The following CSNK2A2IP variants were observed in gnomAD, a reference collection of about 807,000 sequenced individuals.
The protein encoded by CSNK2A2IP is casein kinase II subunit alpha'-interacting protein.
At chr3:88,388,347 G>A in the CSNK2A2IP span, among the ~76,000 whole-genome samples, 2 of 152,050 alleles carry the variant, frequency 1.3e-5, no homozygotes, top group African/African-American at 2.4e-5. Context: ...AGACTATATT[G>A]AGCAAAGTAC....
the CSNK2A2IP span, among the ~76,000 whole-genome samples, chr3:88,389,714 G>A: frequency 6.6e-6 from 1 of 152,110 alleles, no homozygotes; most frequent in African/African-American, 2.4e-5. Context: ...AGATGGTAAG[G>A]AGAGGTTGGA....
chr3:88,406,534 C>A, the CSNK2A2IP span, among the ~76,000 whole-genome samples: 3 of 152,256 alleles, frequency 2.0e-5, no homozygotes, highest in South Asian at 6.2e-4. Context: ...ACTCAACATT[C>A]AATGATCAGA....
chr3:88,392,825 C>A, the CSNK2A2IP span, among the ~76,000 whole-genome samples: 5,729 of 152,204 alleles, frequency 0.038, 271 homozygotes, highest in African/African-American at 0.11. Flanking sequence ...GGGTTGAGGA[C>A]AGATGCTTTT....
chr3:88,358,555 G>A, the CSNK2A2IP span, among the ~76,000 whole-genome samples: 4 of 151,904 alleles, frequency 2.6e-5, no homozygotes, highest in African/African-American at 9.7e-5. Flanking sequence ...AAAGGGTATT[G>A]AATTATATTG....
At chr3:88,349,806 G>T in the CSNK2A2IP span, among the ~76,000 whole-genome samples, 9 of 151,902 alleles carry the variant, frequency 5.9e-5, no homozygotes, top group African/African-American at 1.9e-4. Flanking sequence ...ATTTTTTTGT[G>T]TGTGTGTGTT....
At chr3:88,369,508 T>G in the CSNK2A2IP span, among the ~76,000 whole-genome samples, 1 of 152,080 alleles carries the variant, frequency 6.6e-6, no homozygotes, top group East Asian at 1.9e-4. Flanking sequence ...CATTGTGGCT[T>G]GTTATTGCAA....
At chr3:88,372,761 A>G in the CSNK2A2IP span, among the ~76,000 whole-genome samples, 1 of 151,478 alleles carries the variant, frequency 6.6e-6, no homozygotes, top group Non-Finnish European at 1.5e-5. Context: ...TGCATTTTAA[A>G]TATAAGTATG....
chr3:88,420,793 A>G, the CSNK2A2IP span, among the ~76,000 whole-genome samples: 1 of 152,126 alleles, frequency 6.6e-6, no homozygotes, highest in Non-Finnish European at 1.5e-5. Context: ...GATTAAGAAG[A>G]ATGCAATATG....
the CSNK2A2IP span, among the ~76,000 whole-genome samples, chr3:88,438,872 G>A: frequency 1.3e-4 from 20 of 152,182 alleles, no homozygotes; most frequent in South Asian, 1.5e-3. Flanking sequence ...GATGGGTGGG[G>A]AAAGATACCA....
chr3:88,341,346 A>G, the CSNK2A2IP span, among the ~76,000 whole-genome samples: 1 of 151,836 alleles, frequency 6.6e-6, no homozygotes, highest in Non-Finnish European at 1.5e-5. Context: ...AATGATTATA[A>G]ACAAGAAGTG....
the CSNK2A2IP span, among the ~76,000 whole-genome samples, chr3:88,462,503 G>A: frequency 0.018 from 2,706 of 152,206 alleles, 29 homozygotes; most frequent in Non-Finnish European, 0.028. Context: ...CAGGAAAGAA[G>A]GCAAAGAGAG....
the CSNK2A2IP span, among the ~76,000 whole-genome samples, chr3:88,420,189 C>T: frequency 6.6e-6 from 1 of 152,122 alleles, no homozygotes; most frequent in Admixed American, 6.5e-5. Flanking sequence ...AAATCTTATA[C>T]TTGGCAGGCT....
chr3:88,362,456 C>G, the CSNK2A2IP span, among the ~76,000 whole-genome samples: 6 of 152,120 alleles, frequency 3.9e-5, no homozygotes, highest in Non-Finnish European at 8.8e-5. Context: ...CACTCTTCCC[C>G]AAAGAAAAGG....
chr3:88,384,908 T>C, the CSNK2A2IP span, among the ~76,000 whole-genome samples: 1 of 152,130 alleles, frequency 6.6e-6, no homozygotes, highest in Non-Finnish European at 1.5e-5. Flanking sequence ...TGTCAATTTC[T>C]GAGATGACAA....
the CSNK2A2IP span, among the ~76,000 whole-genome samples, chr3:88,437,083 TA>T: frequency 2.6e-5 from 4 of 152,146 alleles, no homozygotes; most frequent in South Asian, 8.3e-4. Context: ...TCAATAAATG[TA>T]CTATTAATTA....
At chr3:88,372,277 G>T in the CSNK2A2IP span, among the ~76,000 whole-genome samples, 1 of 151,342 alleles carries the variant, frequency 6.6e-6, no homozygotes, top group Middle Eastern at 3.4e-3. Context: ...AAAAGTTTTG[G>T]CAATTACTTT....
chr3:88,353,635 G>A, the CSNK2A2IP span, among the ~76,000 whole-genome samples: 5 of 152,096 alleles, frequency 3.3e-5, no homozygotes, highest in Admixed American at 1.3e-4. Flanking sequence ...TTATCTTGAC[G>A]GAAAATCCTT....
At chr3:88,377,647 A>G in the CSNK2A2IP span, among the ~76,000 whole-genome samples, 6 of 152,012 alleles carry the variant, frequency 3.9e-5, no homozygotes, top group South Asian at 2.1e-4. Flanking sequence ...GCACTCATTT[A>G]AGTACTTTAT....
At chr3:88,430,026 G>T in the CSNK2A2IP span, among the ~76,000 whole-genome samples, 2 of 151,924 alleles carry the variant, frequency 1.3e-5, no homozygotes, top group Non-Finnish European at 2.9e-5. Flanking sequence ...CTCCCAAAGT[G>T]CTGGGAGTAC....
Sources: gnomAD v4.1 joint callset for allele counts (sites outside exome capture counted in the v4.1 genomes callset) on GRCh38, gnomAD v4.1.1 for gene constraint, MANE v1.5 for transcripts, NCBI Gene and HGNC (gene_info 2026-07-23, HGNC 2026-07-21) for gene names.